BPIFB1: variants seen among roughly 807,000 people sequenced by gnomAD.
The protein encoded by BPIFB1 is BPI fold containing family B member 1.
Under a neutral mutation model 55.1 loss-of-function variants are expected in BPIFB1, and 34 were observed. The observed-to-expected ratio is 0.62, with a 90% CI of 0.47 to 0.82. The LOEUF is 0.82. BPIFB1 is among the 40% of genes least tolerant of loss of function. The pLI, the probability that BPIFB1 is intolerant of heterozygous loss-of-function variation, is 0.00. For synonymous variants in BPIFB1, 236 were observed against 245.3 expected, an observed-to-expected ratio of 0.96 and a Z score of 0.35; for missense variants, 532 against 593.1, an observed-to-expected ratio of 0.90 and a Z score of 1.07.
intron 4 of BPIFB1, 116 bp downstream of exon 4, chr20:33,290,108 C>A: frequency 2.5e-6 from 2 of 784,454 alleles, no homozygotes; most frequent in Non-Finnish European, 4.3e-6. Context: ...GAGAGAAGAG[C>A]AAGTGCAGAG....
chr20:33,298,183 C>G (rs1980715776), intron 7 of BPIFB1, among the ~76,000 whole-genome samples: 1 of 152,136 alleles, frequency 6.6e-6, no homozygotes, highest in African/African-American at 2.4e-5. Context: ...CATCTCGTTG[C>G]AGTTTCAAAT....
At chr20:33,292,087 G>T (rs1329675569) in intron 6 of BPIFB1, 99 bp downstream of exon 6, 5 of 1,119,186 alleles carry the variant, frequency 4.5e-6, no homozygotes, top group African/African-American at 1.5e-5. Flanking sequence ...AGTCTCCTTG[G>T]GTGGGTTTTG....
At chr20:33,306,122 C>T in intron 14 of BPIFB1, 57 bp downstream of exon 14, 1 of 1,579,664 alleles carries the variant, frequency 6.3e-7, no homozygotes, top group Admixed American at 1.7e-5. Flanking sequence ...TTTACTTCCC[C>T]TGCCCTCATC....
intron 9 of BPIFB1, 58 bp from the exon 10 acceptor site, chr20:33,302,301 A>C: frequency 1.3e-6 from 2 of 1,558,090 alleles, no homozygotes; most frequent in African/African-American, 1.4e-5. Context: ...AGTGGGGTGC[A>C]GGAGATGTGC....
At position 33,297,599 on chromosome 20, in the gene BPIFB1, T is replaced by C; in HGVS notation, c.661+11T>C. The C allele has an allele frequency of 6.2e-7, 1 of 1,614,126 alleles. No individual in the cohort carries two copies. The highest frequency in any genetic ancestry group is 8.5e-7 in the Non-Finnish European group (1 of 1,179,968). ...TGCAGCTGGTGAAGGGTAGGTGCTC[T>C]GCTCTCTCTCCCACTTTTTCCTTTA... On this transcript the variant is annotated intron_variant, in intron 7 of 15. Coordinates refer to ENST00000253354, the MANE Select transcript of BPIFB1 (RefSeq NM_033197.3).
intron 8 of BPIFB1, 91 bp downstream of exon 8, chr20:33,300,075 G>A (rs893288090): frequency 8.7e-7 from 1 of 1,149,132 alleles, no homozygotes. Context: ...TGTGTTAGGA[G>A]AGAAAATCCT....
chr20:33,285,984 G>T, intron 1 of BPIFB1, 49 bp from the exon 2 acceptor site: 1 of 1,240,376 alleles, frequency 8.1e-7, no homozygotes, highest in African/African-American at 1.5e-5. Context: ...CGGGCATCAT[G>T]GGCCTGCCCT....
At chr20:33,306,809 G>A (rs938445997) in intron 14 of BPIFB1, 102 bp from the exon 15 acceptor site, 1 of 943,408 alleles carries the variant, frequency 1.1e-6, no homozygotes, top group Non-Finnish European at 1.7e-6. Flanking sequence ...TGTCTGATCA[G>A]GCCTGCCAGG....
chr20:33,306,466 C>A, intron 14 of BPIFB1: 1 of 335,460 alleles, frequency 3.0e-6, no homozygotes. Flanking sequence ...GTAGAAGTAC[C>A]TTCTTCAGAG....
intron 15 of BPIFB1, chr20:33,307,221 A>G: frequency 2.0e-6 from 1 of 506,116 alleles, no homozygotes. Flanking sequence ...TCATTCATTC[A>G]TTCATTCATT....
At chr20:33,306,150 T>A in intron 14 of BPIFB1, 85 bp downstream of exon 14, 1 of 1,385,628 alleles carries the variant, frequency 7.2e-7, no homozygotes, top group Non-Finnish European at 1.0e-6. Flanking sequence ...ATGGGGCCCC[T>A]TTCATTCATC....
chr20:33,297,727 T>A (rs1466957681), intron 7 of BPIFB1, 139 bp downstream of exon 7: 3 of 857,208 alleles, frequency 3.5e-6, no homozygotes, highest in Admixed American at 3.7e-5. Context: ...CAAGCATCAG[T>A]TGATCCCTGC....
In BPIFB1 at chr20:33,290,939, G is replaced by A. The variant is rs1190099805; in HGVS notation, c.366-18G>A. The A allele has an allele frequency of 6.2e-7, 1 of 1,612,462 alleles. No individual in the cohort carries two copies. Among genetic ancestry groups the A allele is most frequent in the Admixed American group, 1.7e-5 (1 of 59,992 alleles). On this transcript the variant is annotated intron_variant, in intron 4 of 15. Transcript: ENST00000253354. ...AGCTTGCCTGGTGCTCACATGGTCA[G>A]GTGCCTCCACCCGCTAGGCCCCTGG...
intron 9 of BPIFB1, among the ~76,000 whole-genome samples, chr20:33,301,858 C>T (rs1221812030): frequency 1.3e-5 from 2 of 152,134 alleles, no homozygotes; most frequent in African/African-American, 2.4e-5. Flanking sequence ...ATTAACAGGG[C>T]ACAGCCGATA....
In BPIFB1 at chr20:33,309,813, G is replaced by A; in HGVS notation, c.*46G>A. 1.9e-6 allele frequency: 3 copies of A among 1,540,410 alleles called. No individual in the cohort carries two copies. The highest frequency in any genetic ancestry group is 2.7e-6 in the Non-Finnish European group (3 of 1,114,010). On this transcript the variant is annotated 3_prime_UTR_variant, in exon 16 of 16. Coordinates refer to ENST00000253354, the MANE Select transcript of BPIFB1 (RefSeq NM_033197.3). This position sits in a 1 kb window ranked among gnomAD's most constrained non-coding sequence, Gnocchi z 4.4. ...AGGGAAGGCTGGGTCCCAGCTGGGA[G>A]TATGGGTGTGAGCTCTATAGACCAT...
Position 33,309,703 on chromosome 20 carries a change from T to C in BPIFB1, c.1396-5T>C. Reference sequence around the variant, plus strand: ...TGTTTTCTGACTTTTCCCCTCCAATTCCAGGATGCCCTTGTGCTTACTCCA... The same window carrying C: ...TGTTTTCTGACTTTTCCCCTCCAATCCCAGGATGCCCTTGTGCTTACTCCA... On this transcript the variant is annotated splice_polypyrimidine_tract_variant and splice_region_variant and intron_variant, in intron 15 of 15. Coordinates refer to ENST00000253354, the MANE Select transcript of BPIFB1 (RefSeq NM_033197.3). This position sits in a 1 kb window ranked among gnomAD's most constrained non-coding sequence, Gnocchi z 4.4. 1 of 1,613,992 alleles carries C rather than the reference T, an allele frequency of 6.2e-7. No individual in the cohort carries two copies.
chr20:33,298,067 T>A (rs1362642004), intron 7 of BPIFB1, among the ~76,000 whole-genome samples: 2 of 152,032 alleles, frequency 1.3e-5, no homozygotes, highest in East Asian at 3.9e-4. Context: ...GATGGATGGA[T>A]GGACAGACAG....
At chr20:33,293,848 A>G (rs1394174829) in intron 6 of BPIFB1, among the ~76,000 whole-genome samples, 3 of 143,896 alleles carry the variant, frequency 2.1e-5, no homozygotes, top group Admixed American at 2.0e-4. Context: ...CTCAAAAACT[A>G]AATAAATAAA....
At position 33,309,173 on chromosome 20, in the gene BPIFB1, T is replaced by G. The variant is rs1981150825; in HGVS notation, c.1396-535T>G. ...CAGTGTCACCCTCGCTCCCAAATAC[T>G]ACCCTTAAGAAGAACAGCTCACAGT... On this transcript the variant is annotated intron_variant, in intron 15 of 15. Transcript: ENST00000253354. The surrounding 1 kb of genome is among the most constrained non-coding windows in gnomAD (Gnocchi z 4.4). Among the ~76,000 whole-genome samples, 1 of 152,150 alleles carries G rather than the reference T, an allele frequency of 6.6e-6. No individual in the cohort carries two copies. Among genetic ancestry groups the G allele is most frequent in the African/African-American group, 2.4e-5 (1 of 41,408 alleles).
Sources: allele counts gnomAD v4.1 joint callset (sites outside exome capture counted in the v4.1 genomes callset), GRCh38; gene constraint gnomAD v4.1.1; non-coding constraint Gnocchi (gnomAD v3.1); transcripts MANE v1.5; gene names NCBI Gene and HGNC (gene_info 2026-07-23, HGNC 2026-07-21).